ABHD10: variants seen among roughly 807,000 people sequenced by gnomAD.
The protein encoded by ABHD10 is abhydrolase domain containing 10, depalmitoylase.
Under a neutral mutation model 33.1 loss-of-function variants are expected in ABHD10, and 22 were observed. The observed-to-expected ratio is 0.66, with a 90% CI of 0.47 to 0.95. ABHD10 has a LOEUF of 0.95. Among genes scored for constraint, ABHD10 ranks in the 40% least tolerant of loss-of-function variants. ABHD10 has a pLI of 0.00. For missense variants in ABHD10, 352 were observed against 379.9 expected (o/e 0.93, Z 0.61); for synonymous variants, 146 against 133.9 (o/e 1.09, Z -0.62).
At chr3:111,988,215 C>G (rs2072694455) in intron 4 of ABHD10, among the ~76,000 whole-genome samples, 1 of 152,186 alleles carries the variant, frequency 6.6e-6, no homozygotes, top group Non-Finnish European at 1.5e-5. Context: ...ATTCTTAGTT[C>G]ACGTTGTTTT....
Position 111,987,052 on chromosome 3 carries a change from G to GT in ABHD10, c.576+2dup. The stretch of plus-strand genomic sequence containing the variant: ...AAAGTTTAATCAGCTTCCTGTTGAG[G>GT]TAAGTCAAAAGTCACTTTTGCCACC... On this transcript the variant is annotated splice_donor_variant, in intron 4 of 4. Transcript: ENST00000273359. LOFTEE classifies it high-confidence loss of function. 1 of 1,611,716 alleles carries GT rather than the reference G, an allele frequency of 6.2e-7. No individual in the cohort carries two copies. Among genetic ancestry groups the GT allele is most frequent in the Non-Finnish European group, 8.5e-7 (1 of 1,179,592 alleles).
chr3:111,988,109 AAAAG>A (rs1473907783), intron 4 of ABHD10, among the ~76,000 whole-genome samples: 1 of 152,202 alleles, frequency 6.6e-6, no homozygotes, highest in East Asian at 1.9e-4. Flanking sequence ...AATTTAAAAA[AAAAG>A]AAGAAAAAAC....
In ABHD10 at chr3:111,991,972, G is replaced by GA. The variant is rs1395571283; in HGVS notation, c.*255dup. ...AAAGTATTTCCTTTTTTTAATTCAAGAAAAGTTTACCTTTCTTATGCTTAT... is the reference window on the plus strand; with the variant it reads ...AAAGTATTTCCTTTTTTTAATTCAAGAAAAAGTTTACCTTTCTTATGCTTAT... On this transcript the variant is annotated 3_prime_UTR_variant, in exon 5 of 5. Coordinates refer to ENST00000273359, the MANE Select transcript of ABHD10 (RefSeq NM_018394.4). 9 of 346,526 alleles carry GA rather than the reference G, an allele frequency of 2.6e-5. No individual in the cohort carries two copies. The highest frequency in any genetic ancestry group is 5.0e-5 in the Admixed American group (1 of 19,884). 21.5% of individuals were successfully genotyped at this position (346,526 alleles called of 1,614,324 possible). A position where few individuals can be genotyped will look rare whatever the true frequency, so the allele number is the denominator to read the frequency against.
chr3:111,982,138 C>A, intron 2 of ABHD10, 171 bp downstream of exon 2: 1 of 552,422 alleles, frequency 1.8e-6, no homozygotes, highest in Non-Finnish European at 2.8e-6. Flanking sequence ...CTTTAAAAGA[C>A]CTTTTTTAAA....
Position 111,979,218 on chromosome 3 carries a change from G to C in ABHD10, c.142+15G>C. 1.3e-6 allele frequency: 2 copies of C among 1,588,094 alleles called. No homozygotes were observed. Among genetic ancestry groups the C allele is most frequent in the South Asian group, 1.1e-5 (1 of 89,522 alleles). On this transcript the variant is annotated intron_variant, in intron 1 of 4. Coordinates refer to ENST00000273359, the MANE Select transcript of ABHD10 (RefSeq NM_018394.4). ...GTGGCTCCCAGGTCAGTGTCCGAAA[G>C]GCGGGAGTAGGATGCGTTCTTTCGA...
intron 4 of ABHD10, among the ~76,000 whole-genome samples, chr3:111,988,795 G>C (rs1227196424): frequency 6.6e-6 from 1 of 151,998 alleles, no homozygotes; most frequent in Admixed American, 6.5e-5. Context: ...TCGCCATGTT[G>C]CCCAGGCCGG....
chr3:111,983,279 C>G (rs917577177), intron 2 of ABHD10, among the ~76,000 whole-genome samples: 1 of 152,074 alleles, frequency 6.6e-6, no homozygotes, highest in African/African-American at 2.4e-5. Context: ...GGGGGACTGT[C>G]CTGAGCAGAA....
intron 4 of ABHD10, among the ~76,000 whole-genome samples, chr3:111,988,216 A>G (rs2072694494): frequency 1.3e-5 from 2 of 152,212 alleles, no homozygotes; most frequent in African/African-American, 4.8e-5. Context: ...TTCTTAGTTC[A>G]CGTTGTTTTA....
At chr3:111,985,980 A>T (rs2072652489) in intron 2 of ABHD10, among the ~76,000 whole-genome samples, 1 of 152,168 alleles carries the variant, frequency 6.6e-6, no homozygotes, top group African/African-American at 2.4e-5. Context: ...AAAGACAATG[A>T]GTGTGAAAAT....
chr3:111,990,277 A>AT (rs1455368225), intron 4 of ABHD10, among the ~76,000 whole-genome samples: 1 of 152,022 alleles, frequency 6.6e-6, no homozygotes, highest in East Asian at 1.9e-4. Flanking sequence ...TTTTCATAGA[A>AT]TTTTTTAAAC....
At chr3:111,980,241 G>A (rs1248577982) in intron 1 of ABHD10, among the ~76,000 whole-genome samples, 2 of 152,170 alleles carry the variant, frequency 1.3e-5, no homozygotes, top group Admixed American at 6.5e-5. Context: ...GTGCTCAGCT[G>A]AGTAGATGGG....
chr3:111,979,122 G>T lies in ABHD10; in HGVS notation c.61G>T (p.Ala21Ser). The change falls in exon 1 of 5, where the codon GCA becomes TCA. Residue 21 changes from alanine (A) to serine (S), a missense_variant. By Grantham distance (99) the Ala-to-Ser change is moderately conservative (BLOSUM62 1). Transcript: ENST00000273359. ...AWVPCRSWGWAAVPFGPHRGL... is the reference protein window; with the variant it reads ...AWVPCRSWGWSAVPFGPHRGL... ...GGTACCTTGTCGGAGCTGGGGCTGGGCAGCCGTCCCCTTCGGTCCCCACCG... is the reference window on the plus strand; with the variant it reads ...GGTACCTTGTCGGAGCTGGGGCTGGTCAGCCGTCCCCTTCGGTCCCCACCG... The T allele has an allele frequency of 6.2e-7, 1 of 1,613,384 alleles. No individual in the cohort carries two copies. The highest frequency in any genetic ancestry group is 8.5e-7 in the Non-Finnish European group (1 of 1,179,866).
Position 111,991,477 on chromosome 3 carries a change from A to G in ABHD10, c.677A>G (p.Glu226Gly), listed in dbSNP as rs2072738474. ...CAGTACAGTTTCATTAAAGAAGCTG[A>G]ACATCACTGCTTGTTACATAGCCCA... ...NVQYSFIKEAEHHCLLHSPIP... is the reference protein window; with the variant it reads ...NVQYSFIKEAGHHCLLHSPIP... The change falls in exon 5 of 5, where the codon GAA (glutamate) becomes GGA (glycine). Residue 226 changes from glutamate to glycine, a missense_variant. Coordinates refer to ENST00000273359, the MANE Select transcript of ABHD10 (RefSeq NM_018394.4). 1 of 1,613,984 alleles carries G rather than the reference A, an allele frequency of 6.2e-7. No homozygotes were observed. Among genetic ancestry groups the G allele is most frequent in the Non-Finnish European group, 8.5e-7 (1 of 1,179,988 alleles).
chr3:111,986,823 A>T, intron 3 of ABHD10, 91 bp from the exon 4 acceptor site: 1 of 909,944 alleles, frequency 1.1e-6, no homozygotes. Context: ...TTCTATTTTT[A>T]CTTTCTAATT....
At chr3:111,988,803 C>T (rs191075268) in intron 4 of ABHD10, among the ~76,000 whole-genome samples, 6 of 152,030 alleles carry the variant, frequency 3.9e-5, no homozygotes, top group Non-Finnish European at 5.9e-5. Context: ...TTGCCCAGGC[C>T]GGTCTTGAAC....
chr3:111,988,520 T>G lies in ABHD10; in HGVS notation c.576+1469T>G, dbSNP rs547297483. Among the ~76,000 whole-genome samples the G allele has an allele frequency of 5.3e-3, 809 of 152,240 alleles. 7 individuals are homozygous for G. Among genetic ancestry groups the G allele is most frequent in the African/African-American group, 0.019 (772 of 41,536 alleles). On this transcript the variant is annotated intron_variant, in intron 4 of 4. Coordinates refer to ENST00000273359, the MANE Select transcript of ABHD10 (RefSeq NM_018394.4). ...AGCAGATTGAAAAGGAGTTGATTTTTGGGGGTTGGGGGTTTATTGTATTTT... is the reference window on the plus strand; with the variant it reads ...AGCAGATTGAAAAGGAGTTGATTTTGGGGGGTTGGGGGTTTATTGTATTTT...
At position 111,981,920 on chromosome 3, in the gene ABHD10, G is replaced by A. The variant is rs143048789; in HGVS notation, c.279G>A (p.Ala93=). Residue 93 remains alanine, a synonymous_variant, in exon 2 of 5, where the codon GCG becomes GCA. Coordinates refer to ENST00000273359, the MANE Select transcript of ABHD10 (RefSeq NM_018394.4). ...GYLSYMNGTK[A]LAIEEFCKSL... is the part of the protein sequence containing the mutation. ...TTTCTTATATGAATGGTACAAAAGC[G>A]TTGGCGATTGAGGAGTTTTGCAAAT... The A allele has an allele frequency of 6.3e-6, 10 of 1,583,234 alleles. No homozygotes were observed. The highest frequency in any genetic ancestry group is 2.3e-5 in the East Asian group (1 of 44,362).
At position 111,992,473 on chromosome 3, in the gene ABHD10, T is replaced by C. The variant is rs956690919; in HGVS notation, c.*752T>C. ...TATTATTTCTTGCAGAAACATTCAT[T>C]ATTTTATTAATATTGCCCTAAGTAC... On this transcript the variant is annotated 3_prime_UTR_variant, in exon 5 of 5. Transcript: ENST00000273359. The C allele has an allele frequency of 6.6e-5, 10 of 152,098 alleles. No homozygotes were observed. Among genetic ancestry groups the C allele is most frequent in the Admixed American group, 4.6e-4 (7 of 15,270 alleles). The allele number at this position is 152,098 out of a possible 1,614,324, so 9.4% of individuals were successfully genotyped here.
At position 111,979,163 on chromosome 3, in the gene ABHD10, G is replaced by A. The variant is rs1017131172; in HGVS notation, c.102G>A (p.Leu34=). 2.5e-6 allele frequency: 4 copies of A among 1,611,720 alleles called. No individual in the cohort carries two copies. Among genetic ancestry groups the A allele is most frequent in the Non-Finnish European group, 3.4e-6 (4 of 1,178,666 alleles). ...PFGPHRGLSV[L]LARIPQRAPR... is the part of the protein sequence containing the mutation. ...GTCCCCACCGTGGCCTCAGCGTGCT[G>A]CTTGCACGGATACCTCAGCGGGCGC... Residue 34 remains leucine, a synonymous_variant, in exon 1 of 5, where the codon CTG becomes CTA. Coordinates refer to ENST00000273359, the MANE Select transcript of ABHD10 (RefSeq NM_018394.4).
Sources: gnomAD v4.1 joint callset for allele counts (sites outside exome capture counted in the v4.1 genomes callset) on GRCh38, gnomAD v4.1.1 for gene constraint, MANE v1.5 for transcripts, NCBI Gene and HGNC (gene_info 2026-07-23, HGNC 2026-07-21) for gene names.